BBS9: variants seen among roughly 807,000 people sequenced by gnomAD.
BBS9 encodes Bardet-Biedl syndrome 9.
A neutral mutation model predicts 117.7 loss-of-function variants in BBS9; 89 were observed. The ratio of observed to expected loss-of-function variants is 0.76; its 90% CI spans 0.64 to 0.90. The LOEUF (loss-of-function observed/expected upper bound fraction) is 0.90, where lower values mean the gene tolerates loss of function less well. BBS9 is among the 40% of genes least tolerant of loss of function. The pLI, the probability that BBS9 is intolerant of heterozygous loss-of-function variation, is 0.00. For missense variants in BBS9, 982 were observed against 1,042.2 expected (o/e 0.94, Z 0.80); for synonymous variants, 379 against 370.9 (o/e 1.02, Z -0.25).
intron 21 of BBS9, among the ~76,000 whole-genome samples, chr7:33,557,399 A>G (rs534601040): frequency 6.6e-6 from 1 of 152,284 alleles, no homozygotes; most frequent in Non-Finnish European, 1.5e-5. Flanking sequence ...TATTGTAGTA[A>G]TACATTGTGT....
intron 9 of BBS9, among the ~76,000 whole-genome samples, chr7:33,298,247 C>T (rs150282724): frequency 2.0e-5 from 3 of 152,010 alleles, no homozygotes; most frequent in East Asian, 1.9e-4. Flanking sequence ...CAGAAGACTC[C>T]GACCATGGCT....
At chr7:33,469,904 T>G (rs1381741695) in intron 19 of BBS9, among the ~76,000 whole-genome samples, 1 of 152,228 alleles carries the variant, frequency 6.6e-6, no homozygotes, top group African/African-American at 2.4e-5. Context: ...GTCTTGATTT[T>G]CTTAAAATAA....
At chr7:33,498,065 A>T (rs1844969222) in intron 19 of BBS9, among the ~76,000 whole-genome samples, 1 of 152,186 alleles carries the variant, frequency 6.6e-6, no homozygotes, top group Non-Finnish European at 1.5e-5. Flanking sequence ...GTATTGTTTT[A>T]TAGGTGAGAA....
rs571512315 is a variant in BBS9, at chr7:33,310,733, G to A, written c.1017-25708G>A. Among the ~76,000 whole-genome samples the A allele has an allele frequency of 9.8e-5, 15 of 152,298 alleles. No individual in the cohort carries two copies. The South Asian group carries it at 3.1e-3, about 32-fold the overall frequency. On this transcript the variant is annotated intron_variant, in intron 9 of 22. Transcript: ENST00000242067. ...GTGTTGTTTGTTTTTTGTATTTACT[G>A]GTAGAGGCCTGGAATGCTGCTAAAC...
At chr7:33,429,306 G>A (rs1834093838) in intron 19 of BBS9, among the ~76,000 whole-genome samples, 1 of 150,514 alleles carries the variant, frequency 6.6e-6, no homozygotes, top group African/African-American at 2.4e-5. Context: ...AATTCAGCCA[G>A]AAGTGTTAGT....
chr7:33,469,626 G>A (rs1840690308), intron 19 of BBS9, among the ~76,000 whole-genome samples: 1 of 152,192 alleles, frequency 6.6e-6, no homozygotes, highest in African/African-American at 2.4e-5. Context: ...CTGCAACAAT[G>A]CAATATCTAT....
intron 16 of BBS9, among the ~76,000 whole-genome samples, chr7:33,361,450 A>G (rs545248114): frequency 6.6e-6 from 1 of 152,264 alleles, no homozygotes; most frequent in South Asian, 2.1e-4. Flanking sequence ...AATTCTTTGG[A>G]GACAAATGCT....
At chr7:33,342,109 C>T (rs1370083331) in intron 11 of BBS9, among the ~76,000 whole-genome samples, 1 of 152,070 alleles carries the variant, frequency 6.6e-6, no homozygotes, top group Non-Finnish European at 1.5e-5. Flanking sequence ...AAACGTATAT[C>T]ATGAGTGTCA....
intron 21 of BBS9, among the ~76,000 whole-genome samples, chr7:33,598,652 T>C (rs1472712342): frequency 6.6e-6 from 1 of 152,196 alleles, no homozygotes; most frequent in African/African-American, 2.4e-5. Flanking sequence ...GAAACTATTC[T>C]AAAAAATAAA....
At position 33,503,438 on chromosome 7, in the gene BBS9, T is replaced by C. The variant is rs76424349; in HGVS notation, c.2116-2025T>C. Among the ~76,000 whole-genome samples, 1,078 of 152,318 alleles carry C rather than the reference T, an allele frequency of 7.1e-3. 7 individuals are homozygous for C. The highest frequency in any genetic ancestry group is 0.027 in the Middle Eastern group (8 of 294). ...GGCATGCGGCCTATGTTCAATTAAT[T>C]GGAGGGATAGTTATTCACATAATAA... On this transcript the variant is annotated intron_variant, in intron 19 of 22. Coordinates refer to ENST00000242067, the MANE Select transcript of BBS9 (RefSeq NM_198428.3).
intron 5 of BBS9, among the ~76,000 whole-genome samples, chr7:33,236,854 A>G (rs1187852043): frequency 1.3e-5 from 2 of 152,120 alleles, no homozygotes. Flanking sequence ...ACTGCGCAGT[A>G]CAATAGATCA....
intron 4 of BBS9, among the ~76,000 whole-genome samples, chr7:33,165,391 G>A (rs1000342770): frequency 6.6e-6 from 1 of 152,030 alleles, no homozygotes; most frequent in African/African-American, 2.4e-5. Flanking sequence ...GCTAGGTTGG[G>A]GAAGTTCTCC....
At chr7:33,287,833 T>C (rs373051391) in intron 9 of BBS9, among the ~76,000 whole-genome samples, 6 of 152,308 alleles carry the variant, frequency 3.9e-5, no homozygotes, top group African/African-American at 4.8e-5. Flanking sequence ...TGTTATTGTT[T>C]TGAGAGAGGA....
intron 9 of BBS9, among the ~76,000 whole-genome samples, chr7:33,310,240 T>C (rs1327138177): frequency 6.6e-6 from 1 of 152,236 alleles, no homozygotes; most frequent in East Asian, 1.9e-4. Context: ...CTTTCTGTCA[T>C]TGTTTTTCTA....
chr7:33,546,978 G>A (rs1387169858), intron 21 of BBS9, among the ~76,000 whole-genome samples: 2 of 151,768 alleles, frequency 1.3e-5, no homozygotes, highest in East Asian at 3.9e-4. Flanking sequence ...CGCACATGCA[G>A]ACACACACAC....
At chr7:33,526,480 C>A in intron 20 of BBS9, among the ~76,000 whole-genome samples, 1 of 151,804 alleles carries the variant, frequency 6.6e-6, no homozygotes, top group Non-Finnish European at 1.5e-5. Flanking sequence ...ACTTCCTTCT[C>A]GCTTCATTTC....
At chr7:33,245,676 A>G (rs1338258142) in intron 5 of BBS9, among the ~76,000 whole-genome samples, 1 of 152,166 alleles carries the variant, frequency 6.6e-6, no homozygotes, top group Non-Finnish European at 1.5e-5. Flanking sequence ...ATGGTAATTG[A>G]CATATTGCTA....
chr7:33,316,569 C>G, intron 9 of BBS9, among the ~76,000 whole-genome samples: 1 of 152,166 alleles, frequency 6.6e-6, no homozygotes, highest in East Asian at 1.9e-4. Flanking sequence ...TACTATCAGT[C>G]TTTTTAATTT....
At chr7:33,357,211 A>G (rs1380120497) in intron 15 of BBS9, among the ~76,000 whole-genome samples, 1 of 151,868 alleles carries the variant, frequency 6.6e-6, no homozygotes, top group East Asian at 1.9e-4. Context: ...TGACTGTCTA[A>G]ATGTCTAAAA....
Sources: gnomAD v4.1 joint callset for allele counts (sites outside exome capture counted in the v4.1 genomes callset) on GRCh38, gnomAD v4.1.1 for gene constraint, MANE v1.5 for transcripts, NCBI Gene and HGNC (gene_info 2026-07-23, HGNC 2026-07-21) for gene names.